The following RAD51 variants were observed in gnomAD, a reference collection of about 807,000 sequenced individuals.
RAD51 encodes RAD51 recombinase, also known as DNA repair protein RAD51 homolog 1.
In RAD51, 14 loss-of-function variants were observed where a neutral mutation model predicts 41.5. The ratio of observed to expected loss-of-function variants is 0.34; its 90% CI spans 0.22 to 0.53. The LOEUF (loss-of-function observed/expected upper bound fraction) is 0.53. Ranked by LOEUF, RAD51 falls within the 20% of genes least tolerant of loss-of-function variation. The pLI, the probability that RAD51 is intolerant of heterozygous loss-of-function variation, is 0.95. For missense variants in RAD51, 234 were observed against 422.0 expected (o/e 0.55, Z 3.90); for synonymous variants, 136 against 148.6 (o/e 0.92, Z 0.62).
At chr15:40,726,685 C>A (rs541145422) in intron 6 of RAD51, among the ~76,000 whole-genome samples, 28 of 151,696 alleles carry the variant, frequency 1.8e-4, no homozygotes, top group Middle Eastern at 3.4e-3. Flanking sequence ...GAGGCCGAGG[C>A]GGGTGGATCA....
intron 1 of RAD51, among the ~76,000 whole-genome samples, chr15:40,696,435 T>G (rs969802324): frequency 3.3e-5 from 5 of 152,050 alleles, no homozygotes; most frequent in Admixed American, 6.6e-5. Flanking sequence ...TAGCTAGGCA[T>G]GGTGGCGTGC....
chr15:40,731,388 G>A lies in RAD51; in HGVS notation c.*210G>A, dbSNP rs934808683. On this transcript the variant is annotated 3_prime_UTR_variant, in exon 10 of 10. Coordinates refer to ENST00000267868, the MANE Select transcript of RAD51 (RefSeq NM_002875.5). ...ATCTAAAATGTTTATTCCTTCTGTA[G>A]TGTATTAATCTCTGTGTGTTTTCTT... 13 of 604,058 alleles carry A rather than the reference G, an allele frequency of 2.2e-5. No homozygotes were observed. The highest frequency in any genetic ancestry group is 4.7e-4 in the Middle Eastern group (1 of 2,146). The allele number at this position is 604,058 out of a possible 1,614,324, so 37.4% of individuals were successfully genotyped here.
chr15:40,707,730 T>A (rs1478016342), intron 4 of RAD51, among the ~76,000 whole-genome samples: 3 of 152,112 alleles, frequency 2.0e-5, no homozygotes, highest in Non-Finnish European at 4.4e-5. Context: ...GTTTGTTTGT[T>A]TTTTAAAGAC....
At chr15:40,703,263 A>G (rs1895116069) in intron 3 of RAD51, among the ~76,000 whole-genome samples, 1 of 152,170 alleles carries the variant, frequency 6.6e-6, no homozygotes, top group African/African-American at 2.4e-5. Context: ...CACTGAAATG[A>G]CAGTGAGTAT....
Position 40,732,107 on chromosome 15 carries a change from AG to A in RAD51, c.*930del. The A allele has an allele frequency of 5.0e-6, 1 of 199,376 alleles. No homozygotes were observed. Among genetic ancestry groups the A allele is most frequent in the South Asian group, 1.9e-4 (1 of 5,208 alleles). The allele number at this position is 199,376 out of a possible 1,614,324, so 12.4% of individuals were successfully genotyped here. A position where few individuals can be genotyped will look rare whatever the true frequency, so the allele number is the denominator to read the frequency against. Reference sequence around the variant, plus strand: ...CAAACAAGAAACATTTCAGAGGGTAAGTAAACAGATTTGATTGTGAGGCTTC... The same window carrying A: ...CAAACAAGAAACATTTCAGAGGGTAATAAACAGATTTGATTGTGAGGCTTC... On this transcript the variant is annotated 3_prime_UTR_variant, in exon 10 of 10. Coordinates refer to ENST00000267868, the MANE Select transcript of RAD51 (RefSeq NM_002875.5).
chr15:40,728,050 G>T (rs944324095), intron 6 of RAD51, among the ~76,000 whole-genome samples: 20 of 152,022 alleles, frequency 1.3e-4, no homozygotes, highest in Non-Finnish European at 2.5e-4. Context: ...AGTAGAGATG[G>T]GGTTTTGCCA....
At chr15:40,728,100 TCCA>T (rs1160352210) in intron 6 of RAD51, among the ~76,000 whole-genome samples, 1 of 152,124 alleles carries the variant, frequency 6.6e-6, no homozygotes, top group Non-Finnish European at 1.5e-5. Flanking sequence ...CATCAGGTGA[TCCA>T]CCTGCCTCGG....
At chr15:40,722,924 A>G (rs996945496) in intron 6 of RAD51, among the ~76,000 whole-genome samples, 1 of 152,240 alleles carries the variant, frequency 6.6e-6, no homozygotes, top group Non-Finnish European at 1.5e-5. Context: ...AAGATAACCC[A>G]AAGAATGTGA....
intron 5 of RAD51, among the ~76,000 whole-genome samples, chr15:40,709,499 G>A (rs1895558048): frequency 1.3e-5 from 2 of 148,310 alleles, no homozygotes; most frequent in South Asian, 4.3e-4. Context: ...TCAACCTCCC[G>A]AGTACCTGGG....
At chr15:40,722,532 T>A (rs1245401286) in intron 6 of RAD51, among the ~76,000 whole-genome samples, 1 of 128,238 alleles carries the variant, frequency 7.8e-6, no homozygotes, top group Non-Finnish European at 1.7e-5. Flanking sequence ...ACTGGGGAGT[T>A]GTTGTTTAAT....
intron 9 of RAD51, 114 bp from the exon 10 acceptor site, chr15:40,730,941 A>C: frequency 7.3e-7 from 1 of 1,364,812 alleles, no homozygotes; most frequent in Admixed American, 1.9e-5. Flanking sequence ...AAACATTCCC[A>C]GGGTCCTTCT....
chr15:40,699,302 C>T (rs563919723), intron 2 of RAD51, among the ~76,000 whole-genome samples: 1 of 152,224 alleles, frequency 6.6e-6, no homozygotes, highest in Non-Finnish European at 1.5e-5. Context: ...AGCCACCACA[C>T]CCAGCTAATT....
rs551791312 is a variant in RAD51, at chr15:40,706,653, G to T, written c.343+359G>T. Among the ~76,000 whole-genome samples the T allele has an allele frequency of 2.6e-5, 4 of 152,292 alleles. No homozygotes were observed. The East Asian group carries it at 7.7e-4, about 29-fold the overall frequency. On this transcript the variant is annotated intron_variant, in intron 4 of 9. Coordinates refer to ENST00000267868, the MANE Select transcript of RAD51 (RefSeq NM_002875.5). ...GAAGACGGAGGTTGCTGTGAGCCAA[G>T]ATTGTGCCACTGCACTCCAGCCTGG...
At chr15:40,696,214 A>AT (rs1894622840) in intron 1 of RAD51, among the ~76,000 whole-genome samples, 1 of 152,126 alleles carries the variant, frequency 6.6e-6, no homozygotes, top group South Asian at 2.1e-4. Context: ...TTTAACTTCT[A>AT]AAGCGCAATG....
chr15:40,724,888 A>ATTTTTTTTT (rs1896490836), intron 6 of RAD51, among the ~76,000 whole-genome samples: 2 of 63,740 alleles, frequency 3.1e-5, no homozygotes, highest in Non-Finnish European at 5.9e-5. Context: ...AATTTTTTTT[A>ATTTTTTTTT]ATTTTTTTTT....
chr15:40,719,902 G>C (rs1896186697), intron 6 of RAD51, among the ~76,000 whole-genome samples: 1 of 151,514 alleles, frequency 6.6e-6, no homozygotes, highest in South Asian at 2.1e-4. Context: ...TTGTCAGGAA[G>C]ATATAACAGT....
chr15:40,698,556 G>A (rs1239663144), intron 1 of RAD51, among the ~76,000 whole-genome samples: 1 of 152,144 alleles, frequency 6.6e-6, no homozygotes, highest in African/African-American at 2.4e-5. Context: ...CATTTATAAT[G>A]TATAATGGGG....
At chr15:40,728,125 G>A (rs1896682142) in intron 6 of RAD51, among the ~76,000 whole-genome samples, 1 of 152,136 alleles carries the variant, frequency 6.6e-6, no homozygotes, top group African/African-American at 2.4e-5. Flanking sequence ...ATCCCAAAGT[G>A]CTAGGATTAC....
intron 5 of RAD51, among the ~76,000 whole-genome samples, chr15:40,711,967 G>T (rs1479054068): frequency 6.6e-6 from 1 of 151,864 alleles, no homozygotes; most frequent in East Asian, 1.9e-4. Context: ...AGCTACTTGG[G>T]AGGTGGAGGC....
Sources: allele counts gnomAD v4.1 joint callset (sites outside exome capture counted in the v4.1 genomes callset), GRCh38; gene constraint gnomAD v4.1.1; transcripts MANE v1.5; gene names NCBI Gene and HGNC (gene_info 2026-07-23, HGNC 2026-07-21).